Variants in POC1A observed in about 807,000 individuals in gnomAD.
POC1A encodes POC1 centriolar protein A.
POC1A carries 34 observed loss-of-function variants against 47.8 expected under a neutral mutation model. The ratio of observed to expected loss-of-function variants is 0.71; its 90% CI spans 0.54 to 0.95. POC1A has a LOEUF of 0.95. Ranked by LOEUF, POC1A falls within the 40% of genes least tolerant of loss-of-function variation. The pLI is 0.00. For synonymous variants in POC1A, 177 were observed against 207.6 expected, an observed-to-expected ratio of 0.85 and a Z score of 1.27; for missense variants, 466 against 528.3, an observed-to-expected ratio of 0.88 and a Z score of 1.16.
chr3:52,139,888 A>G (rs572182375), intron 6 of POC1A, among the ~76,000 whole-genome samples: 15 of 152,314 alleles, frequency 9.8e-5, no homozygotes, highest in Admixed American at 4.6e-4. Flanking sequence ...CAGCCAATGC[A>G]TGGATCAGCT....
At chr3:52,113,971 G>T (rs1046578665) in intron 9 of POC1A, among the ~76,000 whole-genome samples, 5 of 152,200 alleles carry the variant, frequency 3.3e-5, no homozygotes, top group African/African-American at 1.2e-4. Flanking sequence ...GTGAGCCCAT[G>T]AAATGAAAAA....
intron 9 of POC1A, among the ~76,000 whole-genome samples, chr3:52,120,706 G>A (rs928059937): frequency 1.3e-5 from 2 of 152,174 alleles, no homozygotes; most frequent in African/African-American, 2.4e-5. Flanking sequence ...CAACTCCAAC[G>A]TGAGTCTGTA....
At chr3:52,092,942 G>C (rs1017729582) in intron 10 of POC1A, among the ~76,000 whole-genome samples, 1 of 152,190 alleles carries the variant, frequency 6.6e-6, no homozygotes, top group Non-Finnish European at 1.5e-5. Flanking sequence ...CGGAGACCAG[G>C]AGCCTTGCAG....
chr3:52,101,806 T>C (rs1327091841), intron 9 of POC1A, among the ~76,000 whole-genome samples: 1 of 152,208 alleles, frequency 6.6e-6, no homozygotes, highest in Non-Finnish European at 1.5e-5. Context: ...ATATTTCTTA[T>C]AATACAAATT....
At chr3:52,093,744 C>A (rs1025692067) in intron 10 of POC1A, among the ~76,000 whole-genome samples, 1 of 152,216 alleles carries the variant, frequency 6.6e-6, no homozygotes, top group Admixed American at 6.5e-5. Flanking sequence ...TTCCTTTACA[C>A]AGAGGAGCCG....
At chr3:52,082,472 T>C (rs1702331543) in intron 10 of POC1A, among the ~76,000 whole-genome samples, 1 of 152,108 alleles carries the variant, frequency 6.6e-6, no homozygotes. Flanking sequence ...GACCAGGTGG[T>C]AGGGCTTCCA....
At chr3:52,115,534 C>T (rs1245913821) in intron 9 of POC1A, among the ~76,000 whole-genome samples, 3 of 152,220 alleles carry the variant, frequency 2.0e-5, no homozygotes, top group Non-Finnish European at 4.4e-5. Flanking sequence ...GGTCTGAGGG[C>T]TAGTGTCCCC....
At chr3:52,130,234 A>G (rs1414576169) in intron 7 of POC1A, among the ~76,000 whole-genome samples, 2 of 152,238 alleles carry the variant, frequency 1.3e-5, no homozygotes, top group Non-Finnish European at 2.9e-5. Context: ...TCAGAGGGAA[A>G]AGCAGAGTGG....
Position 52,140,996 on chromosome 3 carries a change from A to G in POC1A, c.680-2694T>C, listed in dbSNP as rs531722470. Among the ~76,000 whole-genome samples, 4 of 152,358 alleles carry G rather than the reference A, an allele frequency of 2.6e-5. No homozygotes were observed. The East Asian group carries it at 7.7e-4, about 29-fold the overall frequency. ...AGGCCTCTTCTTGGCTCCATGGCAG[A>G]TATCAGTGATGACACATACTGCCAC... is the stretch of plus-strand genomic sequence containing the variant. On this transcript the variant is annotated intron_variant, in intron 6 of 10. Coordinates refer to ENST00000296484, the MANE Select transcript of POC1A (RefSeq NM_015426.5).
intron 9 of POC1A, among the ~76,000 whole-genome samples, chr3:52,109,215 A>G (rs549681884): frequency 2.0e-5 from 3 of 152,364 alleles, no homozygotes; most frequent in South Asian, 2.1e-4. Flanking sequence ...TCTGATATGA[A>G]GGAACTATTA....
intron 6 of POC1A, 150 bp from the exon 7 acceptor site, chr3:52,138,452 C>T (rs1559846103): frequency 1.3e-6 from 1 of 788,494 alleles, no homozygotes; most frequent in East Asian, 2.7e-5. Context: ...TGTGGGGAAC[C>T]CAACAAGGAT....
rs1702225076 is a variant in POC1A, at chr3:52,079,726, G to C, written c.1126-3741C>G. The stretch of plus-strand genomic sequence containing the variant: ...GGCAGGGTAAAGGGAAACTGACGAA[G>C]GGGTTGAGGAGTCCAGGGCTCTGGC... On this transcript the variant is annotated intron_variant, in intron 10 of 10. Coordinates refer to ENST00000296484, the MANE Select transcript of POC1A (RefSeq NM_015426.5). The surrounding 1 kb of genome is among the most constrained non-coding windows in gnomAD (Gnocchi z 4.6). Among the ~76,000 whole-genome samples the C allele has an allele frequency of 6.6e-6, 1 of 152,224 alleles. No individual in the cohort carries two copies. Among genetic ancestry groups the C allele is most frequent in the Non-Finnish European group, 1.5e-5 (1 of 68,038 alleles).
At chr3:52,078,503 CTTTTTTTTTTTTTT>C (rs531817608) in intron 10 of POC1A, among the ~76,000 whole-genome samples, 2 of 113,532 alleles carry the variant, frequency 1.8e-5, no homozygotes, top group African/African-American at 3.4e-5. Flanking sequence ...ATGGAAATCT[CTTTTTTTTTTTTTT>C]TTTTTTTTTT....
At chr3:52,091,943 A>C (rs189803281) in intron 10 of POC1A, among the ~76,000 whole-genome samples, 1 of 152,314 alleles carries the variant, frequency 6.6e-6, no homozygotes, top group African/African-American at 2.4e-5. Context: ...CACCCAGGTG[A>C]TGAATGGTGG....
Position 52,096,721 on chromosome 3 carries a change from A to G in POC1A, c.982-9T>C, listed in dbSNP as rs762020046. On this transcript the variant is annotated splice_polypyrimidine_tract_variant and intron_variant, in intron 9 of 10. Transcript: ENST00000296484. ...GGGAAGTCCACTTCTGGCTAAAGAC[A>G]GAAAGAAAAAAGTTCCTCAGTCTAT... The G allele has an allele frequency of 3.2e-6, 5 of 1,569,922 alleles. No homozygotes were observed. Among genetic ancestry groups the G allele is most frequent in the Non-Finnish European group, 3.4e-6 (4 of 1,163,786 alleles).
chr3:52,127,831 G>C (rs1050845478), intron 7 of POC1A, among the ~76,000 whole-genome samples: 3 of 152,022 alleles, frequency 2.0e-5, no homozygotes, highest in Admixed American at 1.3e-4. Flanking sequence ...AAGTAGCTGA[G>C]GTTGCAGGCA....
At chr3:52,122,080 C>T (rs1240404540) in intron 9 of POC1A, among the ~76,000 whole-genome samples, 1 of 152,214 alleles carries the variant, frequency 6.6e-6, no homozygotes, top group Non-Finnish European at 1.5e-5. Flanking sequence ...CCCTTGTCTC[C>T]TAAGGCCTCA....
chr3:52,144,814 T>A (rs1007081301), intron 6 of POC1A, among the ~76,000 whole-genome samples: 5 of 152,158 alleles, frequency 3.3e-5, no homozygotes, highest in African/African-American at 9.7e-5. Context: ...TCACCTCTGT[T>A]ACCCCAAAGA....
chr3:52,147,439 T>C (rs1698404713), intron 4 of POC1A, among the ~76,000 whole-genome samples: 1 of 151,898 alleles, frequency 6.6e-6, no homozygotes, highest in East Asian at 1.9e-4. Flanking sequence ...GTTTTTGTTT[T>C]TGTTTTGTTT....
Sources: gnomAD v4.1 joint callset for allele counts (sites outside exome capture counted in the v4.1 genomes callset) on GRCh38, gnomAD v4.1.1 for gene constraint, Gnocchi (gnomAD v3.1) non-coding constraint, MANE v1.5 for transcripts, NCBI Gene and HGNC (gene_info 2026-07-23, HGNC 2026-07-21) for gene names.